Variants in OPCML observed in about 807,000 individuals in gnomAD.
OPCML encodes the protein opioid-binding protein/cell adhesion molecule.
Under a neutral mutation model 37.8 loss-of-function variants are expected in OPCML, and 13 were observed. The observed-to-expected ratio is 0.34, with a 90% CI of 0.22 to 0.55. The LOEUF (loss-of-function observed/expected upper bound fraction) is 0.55, where lower values mean the gene tolerates loss of function less well. Ranked by LOEUF, OPCML falls within the 20% of genes least tolerant of loss-of-function variation. The pLI, the probability that OPCML is intolerant of heterozygous loss-of-function variation, is 0.91. For missense variants in OPCML, 341 were observed against 435.6 expected (o/e 0.78, Z 1.93); for synonymous variants, 176 against 168.8 (o/e 1.04, Z -0.33).
chr11:133,282,528 A>T (rs1246575918), intron 1 of OPCML, among the ~76,000 whole-genome samples: 1 of 152,204 alleles, frequency 6.6e-6, no homozygotes, highest in Non-Finnish European at 1.5e-5. Flanking sequence ...GGGGTGGAGC[A>T]CTCACAGAGA....
At chr11:133,149,694 T>C (rs760024701) in intron 1 of OPCML, among the ~76,000 whole-genome samples, 2 of 152,240 alleles carry the variant, frequency 1.3e-5, no homozygotes, top group African/African-American at 2.4e-5. Flanking sequence ...AGGATGGTGC[T>C]GCTGGCTCAC....
intron 1 of OPCML, among the ~76,000 whole-genome samples, chr11:133,297,037 G>C (rs542835152): frequency 6.6e-6 from 1 of 152,240 alleles, no homozygotes; most frequent in African/African-American, 2.4e-5. Flanking sequence ...CATGTGCCCC[G>C]CCATGCTGCA....
At chr11:132,723,018 G>T (rs1944731040) in intron 2 of OPCML, among the ~76,000 whole-genome samples, 1 of 152,168 alleles carries the variant, frequency 6.6e-6, no homozygotes, top group South Asian at 2.1e-4. Context: ...AGCTGCCTCT[G>T]CTCAGACACA....
chr11:133,227,660 C>A (rs568093914), intron 1 of OPCML, among the ~76,000 whole-genome samples: 1 of 152,288 alleles, frequency 6.6e-6, no homozygotes, highest in African/African-American at 2.4e-5. Context: ...CCGTTCCATT[C>A]TCCCCCTCAG....
intron 1 of OPCML, among the ~76,000 whole-genome samples, chr11:133,061,713 C>A (rs1948345149): frequency 6.6e-6 from 1 of 152,184 alleles, no homozygotes; most frequent in Non-Finnish European, 1.5e-5. Flanking sequence ...TTGACCACCT[C>A]CTTAGCTGGA....
intron 3 of OPCML, among the ~76,000 whole-genome samples, chr11:132,594,390 T>C (rs1591599540): frequency 1.3e-5 from 2 of 152,118 alleles, no homozygotes; most frequent in Admixed American, 1.3e-4. Context: ...TCTTAAGATA[T>C]ATGCATGAGA....
intron 1 of OPCML, among the ~76,000 whole-genome samples, chr11:133,327,095 G>A (rs1232674765): frequency 7.3e-6 from 1 of 136,736 alleles, no homozygotes; most frequent in African/African-American, 2.7e-5. Context: ...GGTATGTGGT[G>A]GTGTGTGTAT....
At chr11:132,773,622 A>T (rs182629197) in intron 2 of OPCML, among the ~76,000 whole-genome samples, 190 of 152,282 alleles carry the variant, frequency 1.2e-3, no homozygotes, top group African/African-American at 3.8e-3. Context: ...TTGTATCGAA[A>T]ACTGTGCCTC....
At chr11:132,779,497 G>A (rs1318737312) in intron 2 of OPCML, among the ~76,000 whole-genome samples, 2 of 148,324 alleles carry the variant, frequency 1.3e-5, no homozygotes, top group Non-Finnish European at 3.0e-5. Flanking sequence ...AATGTTGTGG[G>A]AAACTCTTCA....
At chr11:133,367,569 C>T (rs1032383717) in intron 1 of OPCML, among the ~76,000 whole-genome samples, 1 of 152,206 alleles carries the variant, frequency 6.6e-6, no homozygotes, top group Non-Finnish European at 1.5e-5. Context: ...CCAAAAGCCA[C>T]AGAGGCATAA....
intron 1 of OPCML, among the ~76,000 whole-genome samples, chr11:133,396,020 G>GA (rs1313708522): frequency 6.6e-6 from 1 of 152,160 alleles, no homozygotes; most frequent in Non-Finnish European, 1.5e-5. Context: ...TATGAACATG[G>GA]AATATGCTTC....
chr11:133,094,125 G>T (rs117530636), intron 1 of OPCML, among the ~76,000 whole-genome samples: 1 of 152,020 alleles, frequency 6.6e-6, no homozygotes, highest in Non-Finnish European at 1.5e-5. Flanking sequence ...AAATATGCAG[G>T]TGCAGCTATA....
intron 4 of OPCML, among the ~76,000 whole-genome samples, chr11:132,454,748 G>A (rs1009810753): frequency 6.6e-6 from 1 of 152,190 alleles, no homozygotes; most frequent in Non-Finnish European, 1.5e-5. Flanking sequence ...GAAACAGGAT[G>A]AACTGACTTG....
chr11:132,713,744 C>T (rs937432293), intron 2 of OPCML, among the ~76,000 whole-genome samples: 3 of 152,148 alleles, frequency 2.0e-5, no homozygotes, highest in Non-Finnish European at 4.4e-5. Flanking sequence ...TGAACATCAG[C>T]CAGGAAAAAG....
At chr11:133,474,453 A>G (rs1034431461) in intron 1 of OPCML, among the ~76,000 whole-genome samples, 1 of 152,226 alleles carries the variant, frequency 6.6e-6, no homozygotes, top group Admixed American at 6.5e-5. Context: ...CCACTGTTCT[A>G]GGTAAGCATG....
At chr11:133,036,843 A>C (rs1468340379) in intron 1 of OPCML, among the ~76,000 whole-genome samples, 2 of 152,282 alleles carry the variant, frequency 1.3e-5, no homozygotes, top group East Asian at 3.9e-4. Flanking sequence ...TGGCATGAGG[A>C]CAGACCCAGA....
intron 2 of OPCML, among the ~76,000 whole-genome samples, chr11:132,888,490 C>G (rs141530154): frequency 6.8e-6 from 1 of 147,310 alleles, no homozygotes; most frequent in African/African-American, 2.6e-5. Context: ...CCATTTGTTT[C>G]AGTTTCTCCC....
At chr11:132,776,611 C>T (rs1946819038) in intron 2 of OPCML, among the ~76,000 whole-genome samples, 1 of 152,076 alleles carries the variant, frequency 6.6e-6, no homozygotes, top group Admixed American at 6.5e-5. Context: ...ACATGACATG[C>T]TGGTCCCCCA....
At chr11:133,194,287 T>C (rs1007724052) in intron 1 of OPCML, among the ~76,000 whole-genome samples, 1 of 146,932 alleles carries the variant, frequency 6.8e-6, no homozygotes, top group South Asian at 2.3e-4. Context: ...CTCGGCTCAC[T>C]GCAACCTCCG....
Sources: allele counts gnomAD v4.1 joint callset (sites outside exome capture counted in the v4.1 genomes callset), GRCh38; gene constraint gnomAD v4.1.1; transcripts MANE v1.5; gene names NCBI Gene and HGNC (gene_info 2026-07-23, HGNC 2026-07-21).